DOCK2: variants seen among roughly 807,000 people sequenced by gnomAD.
DOCK2 encodes the protein dedicator of cytokinesis 2.
Under a neutral mutation model 248.9 loss-of-function variants are expected in DOCK2, and 87 were observed. The observed-to-expected ratio is 0.35, with a 90% CI of 0.29 to 0.42. DOCK2 has a LOEUF of 0.42. Among genes scored for constraint, DOCK2 ranks in the 10% least tolerant of loss-of-function variants. DOCK2 has a pLI of 1.00. For synonymous variants in DOCK2, 805 were observed against 821.6 expected, an observed-to-expected ratio of 0.98 and a Z score of 0.35; for missense variants, 1,747 against 2,300.2, an observed-to-expected ratio of 0.76 and a Z score of 4.92.
intron 6 of DOCK2, among the ~76,000 whole-genome samples, chr5:169,674,685 G>A (rs61512497): frequency 6.6e-6 from 1 of 152,112 alleles, no homozygotes; most frequent in Non-Finnish European, 1.5e-5. Context: ...GAGAGATTTA[G>A]GACACTCATT....
chr5:169,947,663 T>G (rs758479152), intron 27 of DOCK2, among the ~76,000 whole-genome samples: 2 of 152,176 alleles, frequency 1.3e-5, no homozygotes, highest in African/African-American at 2.4e-5. Context: ...CCCAAAAATG[T>G]AAAAATCTTA....
intron 25 of DOCK2, among the ~76,000 whole-genome samples, chr5:169,787,188 T>C (rs1389146285): frequency 6.6e-6 from 1 of 152,240 alleles, no homozygotes; most frequent in Non-Finnish European, 1.5e-5. Flanking sequence ...ATATAGCACT[T>C]ACCATGTGGT....
rs1468061381 is a variant in DOCK2, at chr5:170,080,054, A to T, written c.5167-109A>T. ...AATAAATGAACTTGGAGCCAGCTTC[A>T]TAGAAACCATGCCACGCCCTCCTCA... On this transcript the variant is annotated intron_variant, in intron 49 of 51. Transcript: ENST00000520908. 1.3e-5 allele frequency: 20 copies of T among 1,548,024 alleles called. No homozygotes were observed. The East Asian group carries it at 4.5e-4, about 35-fold the overall frequency.
intron 25 of DOCK2, among the ~76,000 whole-genome samples, chr5:169,790,366 C>T (rs1766257270): frequency 6.6e-6 from 1 of 152,082 alleles, no homozygotes; most frequent in Admixed American, 6.6e-5. Flanking sequence ...TATTATTATT[C>T]TAAGTTGCAA....
intron 9 of DOCK2, among the ~76,000 whole-genome samples, chr5:169,693,972 C>T (rs1404837596): frequency 3.9e-5 from 6 of 152,192 alleles, no homozygotes; most frequent in Non-Finnish European, 7.3e-5. Context: ...ATCAGGTCTA[C>T]AAAATACCTT....
At chr5:169,770,696 G>A (rs1228921869) in intron 25 of DOCK2, among the ~76,000 whole-genome samples, 2 of 151,958 alleles carry the variant, frequency 1.3e-5, no homozygotes, top group Non-Finnish European at 2.9e-5. Context: ...TGAACTTTAC[G>A]AAAAGTGTAT....
chr5:169,987,425 G>T (rs1379195152), intron 29 of DOCK2, among the ~76,000 whole-genome samples: 1 of 152,220 alleles, frequency 6.6e-6, no homozygotes, highest in Non-Finnish European at 1.5e-5. Context: ...AAGAAGCAGA[G>T]AGAGTAGTTC....
At chr5:169,941,277 G>A (rs1347024678) in intron 27 of DOCK2, among the ~76,000 whole-genome samples, 3 of 152,162 alleles carry the variant, frequency 2.0e-5, no homozygotes, top group African/African-American at 2.4e-5. Flanking sequence ...GGATAATCTC[G>A]GCTCACTACA....
chr5:170,076,572 G>A (rs567241873), intron 47 of DOCK2, among the ~76,000 whole-genome samples: 10 of 152,350 alleles, frequency 6.6e-5, no homozygotes, highest in South Asian at 4.1e-4. Context: ...GATTTTGACC[G>A]CTGAGCTCCT....
intron 27 of DOCK2, among the ~76,000 whole-genome samples, chr5:169,923,482 G>GGCGC (rs111621936): frequency 7.1e-4 from 70 of 98,014 alleles, no homozygotes; most frequent in African/African-American, 3.0e-3. Context: ...CATGCACGTG[G>GGCGC]GCACACACAC....
At chr5:169,850,051 G>C (rs1026422988) in intron 27 of DOCK2, among the ~76,000 whole-genome samples, 1 of 152,218 alleles carries the variant, frequency 6.6e-6, no homozygotes, top group African/African-American at 2.4e-5. Flanking sequence ...CGAGAGTAAG[G>C]GTTGTTGCAG....
intron 41 of DOCK2, among the ~76,000 whole-genome samples, chr5:170,053,339 C>T (rs1041914101): frequency 5.3e-5 from 8 of 152,256 alleles, no homozygotes; most frequent in African/African-American, 1.9e-4. Context: ...CCCATGCAGT[C>T]TCTGTCACAA....
In DOCK2 at chr5:169,767,462, G is replaced by C. The variant is rs80227176; in HGVS notation, c.2554+5837G>C. 5.8e-4 allele frequency among the ~76,000 whole-genome samples: 89 copies of C among 152,248 alleles called. 1 individual carries two copies. The highest frequency in any genetic ancestry group is 2.0e-3 in the African/African-American group (84 of 41,534). ...CTTCTTTAACATCTCTGAGCCTCGG[G>C]TTCCATGTCAGAAAAATTTGAAAAA... On this transcript the variant is annotated intron_variant, in intron 25 of 51. Transcript: ENST00000520908.
chr5:169,949,346 C>T (rs1413757908), intron 27 of DOCK2, among the ~76,000 whole-genome samples: 7 of 152,120 alleles, frequency 4.6e-5, no homozygotes, highest in African/African-American at 1.7e-4. Flanking sequence ...CCTGGGAAGC[C>T]TCATGGAGGC....
intron 22 of DOCK2, among the ~76,000 whole-genome samples, chr5:169,741,117 A>G (rs182939733): frequency 1.8e-4 from 28 of 152,196 alleles, no homozygotes; most frequent in Admixed American, 1.6e-3. Context: ...GAGCCACTGC[A>G]CCCAGCCATC....
intron 1 of DOCK2, among the ~76,000 whole-genome samples, chr5:169,648,928 C>CG (rs774978497): frequency 6.6e-5 from 10 of 152,180 alleles, no homozygotes; most frequent in Non-Finnish European, 1.5e-4. Flanking sequence ...AGCGCCCGCC[C>CG]GGGTTTGAGC....
At chr5:169,838,425 G>T (rs1038201245) in intron 26 of DOCK2, among the ~76,000 whole-genome samples, 1 of 152,242 alleles carries the variant, frequency 6.6e-6, no homozygotes, top group African/African-American at 2.4e-5. Flanking sequence ...AAAGTGCTTA[G>T]CAGAGTACCG....
At chr5:169,654,336 G>A in intron 1 of DOCK2, 67 bp from the exon 2 acceptor site, 1 of 1,571,538 alleles carries the variant, frequency 6.4e-7, no homozygotes, top group Non-Finnish European at 8.7e-7. Flanking sequence ...GGCAGGGAAA[G>A]CAGGAAGGAG....
At chr5:169,807,663 T>C (rs1767468059) in intron 26 of DOCK2, among the ~76,000 whole-genome samples, 1 of 151,528 alleles carries the variant, frequency 6.6e-6, no homozygotes, top group Non-Finnish European at 1.5e-5. Flanking sequence ...AAACCCCGTC[T>C]CTACTAAAAA....
Sources: gnomAD v4.1 joint callset for allele counts (sites outside exome capture counted in the v4.1 genomes callset) on GRCh38, gnomAD v4.1.1 for gene constraint, MANE v1.5 for transcripts, NCBI Gene and HGNC (gene_info 2026-07-23, HGNC 2026-07-21) for gene names.